The following FNDC3A variants were observed in gnomAD, a reference collection of about 807,000 sequenced individuals.
FNDC3A encodes the protein fibronectin type III domain containing 3A.
In FNDC3A, 32 loss-of-function variants were observed where a neutral mutation model predicts 148.9. That is an observed-to-expected ratio of 0.21 (90% CI 0.16 to 0.29). The LOEUF (loss-of-function observed/expected upper bound fraction) is 0.29. Ranked by LOEUF, FNDC3A falls within the 10% of genes least tolerant of loss-of-function variation. The pLI, the probability that FNDC3A is intolerant of heterozygous loss-of-function variation, is 1.00. For missense variants in FNDC3A, 1,191 were observed against 1,452.8 expected, an observed-to-expected ratio of 0.82 and a Z score of 2.93; for synonymous variants, 472 against 473.6, an observed-to-expected ratio of 1.00 and a Z score of 0.04.
At chr13:49,007,309 A>C (rs1952240047) in intron 2 of FNDC3A, among the ~76,000 whole-genome samples, 1 of 152,136 alleles carries the variant, frequency 6.6e-6, no homozygotes, top group African/African-American at 2.4e-5. Flanking sequence ...AACATGGCAG[A>C]AAGTGTTGTG....
At chr13:49,194,379 A>G in intron 19 of FNDC3A, among the ~76,000 whole-genome samples, 1 of 152,240 alleles carries the variant, frequency 6.6e-6, no homozygotes, top group East Asian at 1.9e-4. Context: ...TTTTACATGA[A>G]ATATTTATTT....
intron 2 of FNDC3A, among the ~76,000 whole-genome samples, chr13:49,042,250 C>T (rs1032258832): frequency 7.2e-5 from 11 of 151,990 alleles, no homozygotes; most frequent in African/African-American, 1.9e-4. Flanking sequence ...GTCCTTGGGA[C>T]GAAAAACCCC....
intron 4 of FNDC3A, among the ~76,000 whole-genome samples, chr13:49,125,621 T>C (rs951678040): frequency 6.6e-6 from 1 of 152,186 alleles, no homozygotes. Flanking sequence ...AAATGTAGCA[T>C]TCTGTTAGTG....
chr13:48,979,523 G>A (rs549214777), intron 1 of FNDC3A, among the ~76,000 whole-genome samples: 247 of 152,214 alleles, frequency 1.6e-3, no homozygotes, highest in Admixed American at 3.1e-3. Context: ...GACAGAAATT[G>A]GGACGAAGAA....
At chr13:49,101,060 T>C (rs61949460) in intron 3 of FNDC3A, among the ~76,000 whole-genome samples, 1,982 of 152,206 alleles carry the variant, frequency 0.013, 18 homozygotes, top group Non-Finnish European at 0.02. Context: ...GGATAAGAGG[T>C]AAAACCTGGG....
chr13:49,153,570 G>A (rs569962036), intron 8 of FNDC3A, among the ~76,000 whole-genome samples: 97 of 152,308 alleles, frequency 6.4e-4, no homozygotes, highest in African/African-American at 2.3e-3. Context: ...TGCTTTTGGT[G>A]TTTTAGACAG....
chr13:49,074,819 T>C (rs1040451111), intron 2 of FNDC3A, among the ~76,000 whole-genome samples: 2 of 152,166 alleles, frequency 1.3e-5, no homozygotes, highest in African/African-American at 4.8e-5. Flanking sequence ...TTGGTATGTA[T>C]TACCTTTATA....
At chr13:49,194,653 T>C (rs1886060736) in intron 19 of FNDC3A, among the ~76,000 whole-genome samples, 2 of 152,202 alleles carry the variant, frequency 1.3e-5, no homozygotes, top group South Asian at 4.1e-4. Flanking sequence ...TTTTTTTTAA[T>C]CGTGAATATG....
At chr13:49,057,034 T>G (rs1270361175) in intron 2 of FNDC3A, among the ~76,000 whole-genome samples, 1 of 152,198 alleles carries the variant, frequency 6.6e-6, no homozygotes, top group Non-Finnish European at 1.5e-5. Flanking sequence ...AATAACTTGG[T>G]TTAAGGATAT....
At chr13:49,016,998 T>G (rs1280595987) in intron 2 of FNDC3A, among the ~76,000 whole-genome samples, 1 of 151,976 alleles carries the variant, frequency 6.6e-6, no homozygotes, top group African/African-American at 2.4e-5. Flanking sequence ...CTTTTACATT[T>G]GCTGAGGAGA....
chr13:49,090,838 T>A (rs921531023), intron 3 of FNDC3A, among the ~76,000 whole-genome samples: 5 of 151,732 alleles, frequency 3.3e-5, no homozygotes, highest in Non-Finnish European at 5.9e-5. Flanking sequence ...CTACTGAAAA[T>A]TTTTTAAAAA....
chr13:49,087,164 T>G (rs901569498), intron 3 of FNDC3A, among the ~76,000 whole-genome samples: 2 of 152,116 alleles, frequency 1.3e-5, no homozygotes, highest in African/African-American at 4.8e-5. Context: ...CTTGGAAGTA[T>G]AAAATCTAAG....
At chr13:49,114,940 T>C (rs1880839470) in intron 4 of FNDC3A, among the ~76,000 whole-genome samples, 1 of 152,174 alleles carries the variant, frequency 6.6e-6, no homozygotes, top group Non-Finnish European at 1.5e-5. Context: ...TCCTTGTCTT[T>C]GGGTGTTAAG....
chr13:49,057,645 A>G (rs573927661), intron 2 of FNDC3A, among the ~76,000 whole-genome samples: 2 of 152,284 alleles, frequency 1.3e-5, no homozygotes, highest in African/African-American at 4.8e-5. Context: ...GTTCTAATAT[A>G]CTTTTAATGC....
intron 2 of FNDC3A, among the ~76,000 whole-genome samples, chr13:49,039,081 T>C (rs1874723687): frequency 6.6e-6 from 1 of 152,170 alleles, no homozygotes; most frequent in East Asian, 1.9e-4. Context: ...GCGGGTCAGA[T>C]GTAATGTTAT....
intron 4 of FNDC3A, among the ~76,000 whole-genome samples, chr13:49,129,474 A>G (rs1824364602): frequency 6.6e-6 from 1 of 152,202 alleles, no homozygotes; most frequent in Non-Finnish European, 1.5e-5. Flanking sequence ...TGAAATGAGT[A>G]TTGTGACAGA....
intron 2 of FNDC3A, among the ~76,000 whole-genome samples, chr13:49,055,158 C>T (rs115022088): frequency 0.019 from 2,843 of 151,332 alleles, 93 homozygotes; most frequent in African/African-American, 0.064. Context: ...GGCTGGGGTG[C>T]GGTGTCACGT....
intron 3 of FNDC3A, among the ~76,000 whole-genome samples, chr13:49,092,740 C>CT (rs1459151200): frequency 2.0e-5 from 3 of 150,940 alleles, no homozygotes; most frequent in African/African-American, 7.3e-5. Flanking sequence ...TTTTGAGACT[C>CT]TTTCTGACCA....
chr13:49,066,176 A>T (rs1252259096), intron 2 of FNDC3A, among the ~76,000 whole-genome samples: 1 of 152,194 alleles, frequency 6.6e-6, no homozygotes, highest in Non-Finnish European at 1.5e-5. Flanking sequence ...GAAAATTCTT[A>T]AAAAACTGTA....
Sources: allele counts gnomAD v4.1 joint callset (sites outside exome capture counted in the v4.1 genomes callset), GRCh38; gene constraint gnomAD v4.1.1; transcripts MANE v1.5; gene names NCBI Gene and HGNC (gene_info 2026-07-23, HGNC 2026-07-21).